The following SNAP91 variants were observed in gnomAD, a reference collection of about 807,000 sequenced individuals.
The protein encoded by SNAP91 is synaptosome associated protein 91.
SNAP91 carries 27 observed loss-of-function variants against 100.3 expected under a neutral mutation model. The observed-to-expected ratio is 0.27, with a 90% CI of 0.20 to 0.37. The LOEUF (loss-of-function observed/expected upper bound fraction) is 0.37, where lower values mean the gene tolerates loss of function less well. Among genes scored for constraint, SNAP91 ranks in the 10% least tolerant of loss-of-function variants. The pLI is 1.00. For synonymous variants in SNAP91, 404 were observed against 398.6 expected (o/e 1.01, Z -0.16); for missense variants, 986 against 1,123.7 (o/e 0.88, Z 1.75).
At chr6:83,616,916 A>G in intron 10 of SNAP91, 53 bp downstream of exon 10, 1 of 1,151,392 alleles carries the variant, frequency 8.7e-7, no homozygotes, top group Non-Finnish European at 1.2e-6. Context: ...TCATTCTTAG[A>G]AGAACGACTG....
At chr6:83,593,124 T>C in intron 19 of SNAP91, 58 bp downstream of exon 19, 2 of 1,531,676 alleles carry the variant, frequency 1.3e-6, no homozygotes, top group Non-Finnish European at 1.8e-6. Flanking sequence ...TACAAAGAGC[T>C]TAATCAGGAA....
chr6:83,586,947 A>G (rs2092755849), intron 22 of SNAP91, among the ~76,000 whole-genome samples: 1 of 152,120 alleles, frequency 6.6e-6, no homozygotes, highest in African/African-American at 2.4e-5. Flanking sequence ...TTTTTACTCA[A>G]GGGGTAGAAG....
chr6:83,558,024 C>G (rs1781413734), intron 28 of SNAP91, among the ~76,000 whole-genome samples: 1 of 151,852 alleles, frequency 6.6e-6, no homozygotes, highest in African/African-American at 2.4e-5. Flanking sequence ...AATTCAATTA[C>G]TGATTGAAAC....
At chr6:83,682,069 G>C (rs976918775) in intron 2 of SNAP91, among the ~76,000 whole-genome samples, 1 of 151,366 alleles carries the variant, frequency 6.6e-6, no homozygotes, top group Non-Finnish European at 1.5e-5. Context: ...TCCAATCCTG[G>C]AGAAAAAAAG....
chr6:83,695,029 T>C (rs1003089107), intron 2 of SNAP91, among the ~76,000 whole-genome samples: 2 of 151,932 alleles, frequency 1.3e-5, no homozygotes, highest in African/African-American at 2.4e-5. Flanking sequence ...CCCAATACTT[T>C]GGGAGGCCGA....
chr6:83,593,191 A>G lies in SNAP91; in HGVS notation c.1765T>C (p.Phe589Leu). Residue 589 changes from phenylalanine (F) to leucine (L), a missense_variant, in exon 19 of 30, where the codon TTT becomes CTT. Coordinates refer to ENST00000369694, the MANE Select transcript of SNAP91 (RefSeq NM_001242792.2). ...KPDAAPSIDL[F>L]STDAFSSPPQ... Reference sequence around the variant, plus strand: ...GTTGCTTTGGTTTTACCTGTACTAAACAGGTCTATGCTAGGAGCAGCATCT... The same window carrying G: ...GTTGCTTTGGTTTTACCTGTACTAAGCAGGTCTATGCTAGGAGCAGCATCT... 6.3e-7 allele frequency: 1 copy of G among 1,590,794 alleles called. No homozygotes were observed. Among genetic ancestry groups the G allele is most frequent in the South Asian group, 1.1e-5 (1 of 86,980 alleles).
intron 22 of SNAP91, among the ~76,000 whole-genome samples, chr6:83,587,183 AATC>A (rs909968161): frequency 4.0e-4 from 61 of 152,198 alleles, no homozygotes; most frequent in African/African-American, 1.4e-3. Context: ...AAATCTCTAA[AATC>A]ATTTTAAAAT....
intron 20 of SNAP91, among the ~76,000 whole-genome samples, 166 bp from the exon 21 acceptor site, chr6:83,592,704 TC>T (rs1476028832): frequency 6.6e-6 from 1 of 152,120 alleles, no homozygotes; most frequent in East Asian, 1.9e-4. Flanking sequence ...ATACACGCTC[TC>T]CAGAACAAAA....
chr6:83,682,172 CTTTTTTTTTT>C (rs59549595), intron 2 of SNAP91, among the ~76,000 whole-genome samples: 8 of 123,500 alleles, frequency 6.5e-5, no homozygotes, highest in Non-Finnish European at 1.3e-4. Flanking sequence ...TTCTTTAATT[CTTTTTTTTTT>C]TTTTTTTTTC....
chr6:83,553,795 C>G lies in SNAP91; in HGVS notation c.*501G>C, dbSNP rs1378938032. The G allele has an allele frequency of 1.3e-5, 2 of 152,066 alleles. No individual in the cohort carries two copies. The highest frequency in any genetic ancestry group is 2.9e-5 in the Non-Finnish European group (2 of 68,012). The allele number at this position is 152,066 out of a possible 1,614,324, so 9.4% of individuals were successfully genotyped here. On this transcript the variant is annotated 3_prime_UTR_variant, in exon 30 of 30. Transcript: ENST00000369694. ...TTCCTGTGATTGGAAAAATGTACTC[C>G]ACACTGAAAAAGTTTTGTATATTTA...
At chr6:83,614,469 A>G (rs1157661079) in intron 11 of SNAP91, among the ~76,000 whole-genome samples, 7 of 152,188 alleles carry the variant, frequency 4.6e-5, no homozygotes, top group African/African-American at 1.7e-4. Flanking sequence ...TACTGTGACC[A>G]GAAGACAAAT....
chr6:83,568,143 C>T (rs952372956), intron 26 of SNAP91, among the ~76,000 whole-genome samples: 8 of 152,204 alleles, frequency 5.3e-5, no homozygotes, highest in Admixed American at 1.3e-4. Flanking sequence ...GGCACATATA[C>T]ACCATGGACT....
chr6:83,681,451 C>CT (rs1246151955), intron 2 of SNAP91, among the ~76,000 whole-genome samples: 1 of 152,162 alleles, frequency 6.6e-6, no homozygotes, highest in African/African-American at 2.4e-5. Context: ...CTACATTTCT[C>CT]TTCAACTCTT....
chr6:83,559,014 T>G (rs990168818), intron 28 of SNAP91, among the ~76,000 whole-genome samples: 15 of 152,314 alleles, frequency 9.8e-5, no homozygotes, highest in African/African-American at 3.4e-4. Flanking sequence ...TAGTAAGGAA[T>G]TTAGCTTTAC....
Position 83,617,142 on chromosome 6 carries a change from C to T in SNAP91, c.808-103G>A, listed in dbSNP as rs370939293. ...ATGGTGGAAGTCTGTGGATGGACCC[C>T]GATATATATGTGAGATAATTTAATT... On this transcript the variant is annotated intron_variant, in intron 9 of 29. Transcript: ENST00000369694. 52 of 602,554 alleles carry T rather than the reference C, an allele frequency of 8.6e-5. No individual in the cohort carries two copies. The East Asian group carries it at 1.0e-3, about 12-fold the overall frequency. The allele number at this position is 602,554 out of a possible 1,614,324, so 37.3% of individuals were successfully genotyped here.
At chr6:83,586,140 G>A (rs990933379) in intron 22 of SNAP91, among the ~76,000 whole-genome samples, 11 of 152,156 alleles carry the variant, frequency 7.2e-5, no homozygotes, top group African/African-American at 2.4e-4. Context: ...ATGAGCCACC[G>A]TGCCCGGCCA....
At position 83,687,060 on chromosome 6, in the gene SNAP91, C is replaced by A. The variant is rs369974640; in HGVS notation, c.130+20738G>T. Among the ~76,000 whole-genome samples, 3 of 152,148 alleles carry A rather than the reference C, an allele frequency of 2.0e-5. No individual in the cohort carries two copies. The East Asian group carries it at 5.8e-4, about 29-fold the overall frequency. On this transcript the variant is annotated intron_variant, in intron 2 of 29. Transcript: ENST00000369694. ...GGACATAATACAGGACTTAACATGA[C>A]TTATTTGATTACAGTTAGCCAGGTA...
chr6:83,612,204 G>C (rs188736331), intron 11 of SNAP91, among the ~76,000 whole-genome samples: 1 of 152,196 alleles, frequency 6.6e-6, no homozygotes, highest in African/African-American at 2.4e-5. Context: ...GTTATCTTAA[G>C]AGTAATATAG....
chr6:83,572,545 C>T (rs1810135207), intron 26 of SNAP91, among the ~76,000 whole-genome samples: 1 of 152,136 alleles, frequency 6.6e-6, no homozygotes, highest in African/African-American at 2.4e-5. Context: ...AGCCACCGTG[C>T]CCAGCCAACT....
Sources: gnomAD v4.1 joint callset for allele counts (sites outside exome capture counted in the v4.1 genomes callset) on GRCh38, gnomAD v4.1.1 for gene constraint, MANE v1.5 for transcripts, NCBI Gene and HGNC (gene_info 2026-07-23, HGNC 2026-07-21) for gene names.